CELF2: variants seen among roughly 807,000 people sequenced by gnomAD.
CELF2 encodes CUG triplet repeat RNA-binding protein 2.
CELF2 carries 8 observed loss-of-function variants against 62.6 expected under a neutral mutation model. That is an observed-to-expected ratio of 0.13 (90% CI 0.07 to 0.23). The LOEUF is 0.23. Among genes scored for constraint, CELF2 ranks in the 10% least tolerant of loss-of-function variants. The probability of loss-of-function intolerance (pLI) is 1.00; values close to 1 mark genes in which losing one functional copy is unlikely to be tolerated. For missense variants in CELF2, 333 were observed against 671.0 expected, an observed-to-expected ratio of 0.50 and a Z score of 5.56; for synonymous variants, 258 against 250.0, an observed-to-expected ratio of 1.03 and a Z score of -0.30.
the CELF2 span, among the ~76,000 whole-genome samples, chr10:10,739,267 T>C: frequency 1.3e-5 from 2 of 152,220 alleles, no homozygotes; most frequent in Admixed American, 1.3e-4. Context: ...GTTTTTATGC[T>C]TATTTTATAA....
Position 11,328,812 on chromosome 10 carries a change from C to A in CELF2, c.1439-114C>A. 1 of 1,236,760 alleles carries A rather than the reference C, an allele frequency of 8.1e-7. No individual in the cohort carries two copies. The highest frequency in any genetic ancestry group is 1.1e-6 in the Non-Finnish European group (1 of 892,786). 76.6% of individuals were successfully genotyped at this position (1,236,760 alleles called of 1,614,324 possible). On this transcript the variant is annotated intron_variant, in intron 12 of 12. Transcript: ENST00000633077. This position sits in a 1 kb window ranked among gnomAD's most constrained non-coding sequence, Gnocchi z 6.4. ...CAGTTCCGCAGAGCTGTGCTGGGCC[C>A]GTGGGGCTGGCACCTCATGCTGGCT...
intron 1 of CELF2, among the ~76,000 whole-genome samples, chr10:11,056,136 G>A (rs1280016956): frequency 6.6e-6 from 1 of 152,212 alleles, no homozygotes; most frequent in African/African-American, 2.4e-5. Context: ...TTTGTTATAG[G>A]TAGAAGTGTG....
At chr10:10,650,702 G>A in the CELF2 span, among the ~76,000 whole-genome samples, 1 of 152,226 alleles carries the variant, frequency 6.6e-6, no homozygotes, top group Non-Finnish European at 1.5e-5. Flanking sequence ...ATGTGGGGAA[G>A]ATAGAACTGT....
At chr10:11,007,378 T>C (rs1456192996) in intron 1 of CELF2, among the ~76,000 whole-genome samples, 3 of 152,194 alleles carry the variant, frequency 2.0e-5, no homozygotes, top group African/African-American at 7.2e-5. Context: ...TCAATTTAAG[T>C]TGAAATGTTA....
chr10:10,658,666 T>G, the CELF2 span, among the ~76,000 whole-genome samples: 3 of 152,226 alleles, frequency 2.0e-5, no homozygotes, highest in Non-Finnish European at 4.4e-5. Context: ...GAAAGGCATC[T>G]TCAGGAAGTC....
intron 1 of CELF2, among the ~76,000 whole-genome samples, chr10:11,044,134 AAC>A (rs568385921): frequency 6.2e-4 from 95 of 152,338 alleles, no homozygotes; most frequent in African/African-American, 2.2e-3. Flanking sequence ...ATCTCAAAAA[AAC>A]AGTGTCCCAT....
intron 1 of CELF2, among the ~76,000 whole-genome samples, chr10:10,865,643 A>C (rs1458449739): frequency 5.3e-5 from 8 of 152,140 alleles, no homozygotes; most frequent in Admixed American, 5.2e-4. Context: ...AGCAGGTAAA[A>C]TATGCGTGTC....
At chr10:11,031,470 C>A (rs759447596) in intron 1 of CELF2, among the ~76,000 whole-genome samples, 2 of 152,154 alleles carry the variant, frequency 1.3e-5, no homozygotes, top group Non-Finnish European at 2.9e-5. Context: ...CTTCTAGATA[C>A]CCAATGTAAA....
At chr10:11,275,156 C>T (rs772744612) in intron 8 of CELF2, 36 bp downstream of exon 8, 2 of 1,606,814 alleles carry the variant, frequency 1.2e-6, no homozygotes, top group African/African-American at 1.3e-5. Context: ...TTTGACCGTG[C>T]TATTGTCAGA....
At chr10:10,786,290 A>G in the CELF2 span, among the ~76,000 whole-genome samples, 2 of 152,164 alleles carry the variant, frequency 1.3e-5, no homozygotes, top group Admixed American at 6.5e-5. Flanking sequence ...GATAATGCCC[A>G]TGTTAAGGGT....
intron 2 of CELF2, among the ~76,000 whole-genome samples, chr10:10,958,747 G>A (rs1450234942): frequency 6.6e-6 from 1 of 152,038 alleles, no homozygotes; most frequent in Non-Finnish European, 1.5e-5. Context: ...AGGAGGCTTA[G>A]GTAGGAGAAT....
At chr10:11,055,994 G>A (rs1253028183) in intron 1 of CELF2, among the ~76,000 whole-genome samples, 1 of 152,168 alleles carries the variant, frequency 6.6e-6, no homozygotes, top group Non-Finnish European at 1.5e-5. Flanking sequence ...TGTGACAATG[G>A]CCTAAATCCA....
intron 1 of CELF2, among the ~76,000 whole-genome samples, chr10:11,124,416 T>C (rs2131584448): frequency 6.6e-6 from 1 of 152,294 alleles, no homozygotes; most frequent in African/African-American, 2.4e-5. Context: ...CTAATAAAGA[T>C]GGAAATGGGA....
At chr10:11,322,104 G>C (rs549223913) in intron 11 of CELF2, among the ~76,000 whole-genome samples, 1 of 152,208 alleles carries the variant, frequency 6.6e-6, no homozygotes, top group Non-Finnish European at 1.5e-5. Context: ...CTACTTGTTG[G>C]GGGAAGGGGA....
chr10:11,134,112 A>G (rs1040883494), intron 1 of CELF2, among the ~76,000 whole-genome samples: 2 of 152,214 alleles, frequency 1.3e-5, no homozygotes, highest in Admixed American at 1.3e-4. Flanking sequence ...TCTTCTAAAG[A>G]GAAGAGGATC....
chr10:10,553,218 A>G, the CELF2 span, among the ~76,000 whole-genome samples: 1 of 152,054 alleles, frequency 6.6e-6, no homozygotes, highest in East Asian at 1.9e-4. Context: ...CCTTTATAAA[A>G]CGGTCAGATC....
At chr10:10,476,966 G>A in the CELF2 span, among the ~76,000 whole-genome samples, 19 of 152,122 alleles carry the variant, frequency 1.2e-4, no homozygotes, top group Admixed American at 5.2e-4. Flanking sequence ...TATAAGGACC[G>A]ACAATGTAAT....
At position 11,224,555 on chromosome 10, in the gene CELF2, T is replaced by TC. The variant is rs1198366551; in HGVS notation, c.354+7049dup. The stretch of plus-strand genomic sequence containing the variant: ...GGGGATCCATGAATTTGATTAAAGG[T>TC]CTGCATGGAATTACAGAGGAAGGAG... On this transcript the variant is annotated intron_variant, in intron 3 of 12. Transcript: ENST00000633077. This position sits in a 1 kb window ranked among gnomAD's most constrained non-coding sequence, Gnocchi z 4.5. Among the ~76,000 whole-genome samples, 2 of 152,112 alleles carry TC rather than the reference T, an allele frequency of 1.3e-5. No individual in the cohort carries two copies. The highest frequency in any genetic ancestry group is 4.8e-5 in the African/African-American group (2 of 41,426).
chr10:10,639,761 A>G, the CELF2 span, among the ~76,000 whole-genome samples: 6 of 152,118 alleles, frequency 3.9e-5, no homozygotes, highest in Admixed American at 1.3e-4. Flanking sequence ...TTGGCAATTA[A>G]TTTTCCAAGA....
Sources: gnomAD v4.1 joint callset for allele counts (sites outside exome capture counted in the v4.1 genomes callset) on GRCh38, gnomAD v4.1.1 for gene constraint, Gnocchi (gnomAD v3.1) non-coding constraint, MANE v1.5 for transcripts, NCBI Gene and HGNC (gene_info 2026-07-23, HGNC 2026-07-21) for gene names.